AADACL4: variants seen among roughly 807,000 people sequenced by gnomAD.
The protein encoded by AADACL4 is arylacetamide deacetylase-like 4.
AADACL4 carries 9 observed loss-of-function variants against 14.1 expected under a neutral mutation model. The observed-to-expected ratio is 0.64, with a 90% CI of 0.39 to 1.12. The LOEUF is 1.12. AADACL4 is among the 50% of genes most tolerant of loss of function. The probability of loss-of-function intolerance (pLI) is 0.01; values close to 1 mark genes in which losing one functional copy is unlikely to be tolerated. For missense variants in AADACL4, 531 were observed against 516.1 expected (o/e 1.03, Z -0.28); for synonymous variants, 188 against 201.6 (o/e 0.93, Z 0.57).
rs184723393 is a variant in AADACL4, at chr1:12,662,466, C to T, written c.449+612C>T. Among the ~76,000 whole-genome samples the T allele has an allele frequency of 3.3e-5, 5 of 152,218 alleles. 1 individual carries two copies. The highest frequency in any genetic ancestry group is 3.3e-4 in the Admixed American group (5 of 15,274). The stretch of plus-strand genomic sequence containing the variant: ...TGCTTATTGCATTGTTAAAAACTAA[C>T]TAAGCTTCTGGTCCTACAGGAACTA... On this transcript the variant is annotated intron_variant, in intron 3 of 3. Transcript: ENST00000376221.
chr1:12,646,062 T>G (rs907231165), intron 1 of AADACL4, among the ~76,000 whole-genome samples: 1 of 152,120 alleles, frequency 6.6e-6, no homozygotes, highest in Non-Finnish European at 1.5e-5. Context: ...TGGTGTGACA[T>G]CTTGTTTGTG....
intron 3 of AADACL4, among the ~76,000 whole-genome samples, chr1:12,664,980 G>C (rs1040814115): frequency 1.3e-5 from 2 of 152,226 alleles, no homozygotes; most frequent in East Asian, 1.9e-4. Flanking sequence ...GCTGGCACCC[G>C]GGTCTTCTGC....
chr1:12,666,180 A>G lies in AADACL4; in HGVS notation c.669A>G (p.Pro223=). 4 of 1,614,258 alleles carry G rather than the reference A, an allele frequency of 2.5e-6. No homozygotes were observed. Among genetic ancestry groups the G allele is most frequent in the Non-Finnish European group, 3.4e-6 (4 of 1,180,056 alleles). ...TCCGGGCTCAGGTTCTGATTTATCC[A>G]GTTGTCCAGGCATTCTGTTTGCAGT... ...PRIRAQVLIY[P]VVQAFCLQLP... is the part of the protein sequence containing the mutation. The change falls in exon 4 of 4, where the codon CCA becomes CCG. Residue 223 remains proline, a synonymous_variant. Coordinates refer to ENST00000376221, the MANE Select transcript of AADACL4 (RefSeq NM_001013630.2).
At chr1:12,663,367 C>T (rs1489565723) in intron 3 of AADACL4, among the ~76,000 whole-genome samples, 1 of 152,124 alleles carries the variant, frequency 6.6e-6, no homozygotes, top group African/African-American at 2.4e-5. Context: ...GGTGAAGACC[C>T]TTTTCCAGGC....
rs2100773382 is a variant in AADACL4 at position 12,666,603 on chromosome 1, G to A, written c.1092G>A (p.Gly364=). 6.2e-7 allele frequency: 1 copy of A among 1,614,136 alleles called. No individual in the cohort carries two copies. Among genetic ancestry groups the A allele is most frequent in the Non-Finnish European group, 8.5e-7 (1 of 1,180,034 alleles). ...ATAAGAAGCGCTTGGAGGACCAGGG[G>A]GTCCGCGTGACATGGTACCACCTGT... ...LLYKKRLEDQ[G]VRVTWYHLYD... The change falls in exon 4 of 4, where the codon GGG becomes GGA. Residue 364 remains glycine, a synonymous_variant. Transcript: ENST00000376221.
chr1:12,658,162 T>TTC, intron 2 of AADACL4, among the ~76,000 whole-genome samples: 1 of 137,794 alleles, frequency 7.3e-6, no homozygotes, highest in South Asian at 2.2e-4. Context: ...CTTTCTTTCT[T>TTC]TCTTTTTCTC....
chr1:12,658,550 C>T (rs190406926), intron 2 of AADACL4, among the ~76,000 whole-genome samples: 5 of 152,312 alleles, frequency 3.3e-5, no homozygotes, highest in Non-Finnish European at 5.9e-5. Context: ...TGAGCCACCA[C>T]GCGTGGCCTG....
chr1:12,662,317 G>A (rs1255413780), intron 3 of AADACL4, among the ~76,000 whole-genome samples: 1 of 152,178 alleles, frequency 6.6e-6, no homozygotes, highest in Non-Finnish European at 1.5e-5. Context: ...AGAAAAAAAT[G>A]ATAGATACAG....
intron 2 of AADACL4, among the ~76,000 whole-genome samples, chr1:12,655,375 T>A (rs757005230): frequency 1.3e-5 from 2 of 151,998 alleles, no homozygotes; most frequent in Non-Finnish European, 2.9e-5. Context: ...GACCATGATT[T>A]TTGTGGGGGC....
At chr1:12,660,994 T>C (rs1331152442) in intron 2 of AADACL4, among the ~76,000 whole-genome samples, 4 of 152,182 alleles carry the variant, frequency 2.6e-5, no homozygotes, top group Admixed American at 1.3e-4. Context: ...TGAGACCTAC[T>C]AGTATGGAAA....
At chr1:12,647,823 C>T (rs550312521) in intron 1 of AADACL4, among the ~76,000 whole-genome samples, 46 of 152,030 alleles carry the variant, frequency 3.0e-4, no homozygotes, top group Admixed American at 8.5e-4. Context: ...GCCCAGATAA[C>T]TTTTTTGTAT....
In AADACL4 at chr1:12,645,482, C is replaced by A. The variant is rs573263486; in HGVS notation, c.168+768C>A. 1.4e-3 allele frequency among the ~76,000 whole-genome samples: 218 copies of A among 152,226 alleles called. 4 individuals are homozygous for A. The highest frequency in any genetic ancestry group is 8.3e-3 in the East Asian group (43 of 5,176). ...GGGCTTGTGGCCTGACAGCCCCTGC[C>A]CCTCCTTCAGCCGCGCACACTTTCA... On this transcript the variant is annotated intron_variant, in intron 1 of 3. Coordinates refer to ENST00000376221, the MANE Select transcript of AADACL4 (RefSeq NM_001013630.2).
intron 2 of AADACL4, among the ~76,000 whole-genome samples, chr1:12,656,553 C>G (rs557103972): frequency 1.2e-4 from 19 of 152,196 alleles, no homozygotes; most frequent in Non-Finnish European, 2.5e-4. Flanking sequence ...AGAACAGTAT[C>G]TAAGGGGCCT....
At chr1:12,649,457 C>T (rs559942567) in intron 1 of AADACL4, among the ~76,000 whole-genome samples, 7 of 152,176 alleles carry the variant, frequency 4.6e-5, no homozygotes, top group African/African-American at 1.7e-4. Flanking sequence ...CATGCTGGTA[C>T]AACATAGAGG....
In AADACL4 at chr1:12,651,269, G is replaced by A. The variant is rs755278253; in HGVS notation, c.315G>A (p.Lys105=). 6 of 1,614,202 alleles carry A rather than the reference G, an allele frequency of 3.7e-6. No individual in the cohort carries two copies. The highest frequency in any genetic ancestry group is 3.3e-5 in the Admixed American group (2 of 60,028). ...TACCCGTGAGGCTGTTCCAGCCGAAGGCAGCATCCTCCAGACCCCGGCGAG... is the reference window on the plus strand; with the variant it reads ...TACCCGTGAGGCTGTTCCAGCCGAAAGCAGCATCCTCCAGACCCCGGCGAG... ...GTIPVRLFQP[K]AASSRPRRGI... Residue 105 remains lysine (K), a synonymous_variant, in exon 2 of 4, where the codon AAG becomes AAA. Transcript: ENST00000376221.
At chr1:12,653,934 TC>T (rs959711128) in intron 2 of AADACL4, among the ~76,000 whole-genome samples, 10 of 151,958 alleles carry the variant, frequency 6.6e-5, no homozygotes, top group African/African-American at 2.2e-4. Flanking sequence ...TATTAGAGTA[TC>T]CCCCCCTTTC....
chr1:12,651,868 G>A lies in AADACL4; in HGVS notation c.385+529G>A, dbSNP rs529254956. Among the ~76,000 whole-genome samples, 1,057 of 143,638 alleles carry A rather than the reference G, an allele frequency of 7.4e-3. 9 individuals carry two copies. Among genetic ancestry groups the A allele is most frequent in the African/African-American group, 0.027 (998 of 37,406 alleles). The allele number at this position is 143,638 out of a possible 152,430, so 94.2% of individuals were successfully genotyped here. A position where few individuals can be genotyped will look rare whatever the true frequency, so the allele number is the denominator to read the frequency against. ...TTTTGAGATGGAGTCTCGCTCTGTC[G>A]CTCAGGCTGGAGTGCAGTGGCGTGA... On this transcript the variant is annotated intron_variant, in intron 2 of 3. Transcript: ENST00000376221.
rs183344236 is a variant in AADACL4, at chr1:12,651,479, C to T, written c.385+140C>T. ...ATTTTTATAGCGTTAATAGCCCAGA[C>T]TAAGGGCTTTGGGCTCAGGTCAGTA... On this transcript the variant is annotated intron_variant, in intron 2 of 3. Transcript: ENST00000376221. The T allele has an allele frequency of 4.4e-3, 3,886 of 878,926 alleles. 22 individuals are homozygous for T. The highest frequency in any genetic ancestry group is 0.022 in the Middle Eastern group (63 of 2,826). The allele number at this position is 878,926 out of a possible 1,614,324, so 54.4% of individuals were successfully genotyped here.
Position 12,644,416 on chromosome 1 carries a change from T to A in AADACL4, c.-131T>A, listed in dbSNP as rs966829569. On this transcript the variant is annotated 5_prime_UTR_variant, in exon 1 of 4. Transcript: ENST00000376221. ...ACCCTGAGAAGCTGTGTCAGGCCAC[T>A]GTGTCAGGTGTCAGGCTTAGCCCAG... 2.0e-6 allele frequency: 2 copies of A among 1,023,638 alleles called. No homozygotes were observed. Among genetic ancestry groups the A allele is most frequent in the Non-Finnish European group, 2.8e-6 (2 of 708,696 alleles). The allele number at this position is 1,023,638 out of a possible 1,614,324, so 63.4% of individuals were successfully genotyped here.
Sources: gnomAD v4.1 joint callset for allele counts (sites outside exome capture counted in the v4.1 genomes callset) on GRCh38, gnomAD v4.1.1 for gene constraint, MANE v1.5 for transcripts, NCBI Gene and HGNC (gene_info 2026-07-23, HGNC 2026-07-21) for gene names.